DPP10: variants seen among roughly 807,000 people sequenced by gnomAD.
DPP10 encodes dipeptidyl peptidase like 10, also known as inactive dipeptidyl peptidase 10.
A neutral mutation model predicts 120.9 loss-of-function variants in DPP10; 33 were observed. That is an observed-to-expected ratio of 0.27 (90% CI 0.21 to 0.37). The LOEUF (loss-of-function observed/expected upper bound fraction) is 0.37. Ranked by LOEUF, DPP10 falls within the 10% of genes least tolerant of loss-of-function variation. The probability of loss-of-function intolerance (pLI) is 1.00; values close to 1 mark genes in which losing one functional copy is unlikely to be tolerated. For missense variants in DPP10, 816 were observed against 942.8 expected (o/e 0.87, Z 1.76); for synonymous variants, 337 against 326.1 (o/e 1.03, Z -0.36).
In DPP10 at chr2:115,207,613, A is replaced by T. The variant is rs572392488; in HGVS notation, c.61-101626A>T. Among the ~76,000 whole-genome samples, 12 of 152,238 alleles carry T rather than the reference A, an allele frequency of 7.9e-5. No individual in the cohort carries two copies. In the South Asian group the frequency reaches 2.5e-3, roughly 32 times the overall value. ...TTATTCTAAGGAACACCACTTTTCA[A>T]ACGCAAGAGAGCATGTCCCTGTGAT... On this transcript the variant is annotated intron_variant, in intron 1 of 25. Coordinates refer to ENST00000410059, the MANE Select transcript of DPP10 (RefSeq NM_020868.6).
At chr2:115,436,385 G>A (rs377103662) in intron 3 of DPP10, among the ~76,000 whole-genome samples, 29 of 132,254 alleles carry the variant, frequency 2.2e-4, no homozygotes, top group Non-Finnish European at 4.1e-4. Context: ...CTAGAGACAA[G>A]CACATTGCAA....
At chr2:115,432,223 A>C (rs2071060340) in intron 3 of DPP10, among the ~76,000 whole-genome samples, 2 of 152,160 alleles carry the variant, frequency 1.3e-5, no homozygotes. Flanking sequence ...TAATAGTGTT[A>C]GCAGGAATGC....
chr2:115,668,468 G>A (rs141946141), intron 5 of DPP10, among the ~76,000 whole-genome samples: 117 of 152,170 alleles, frequency 7.7e-4, no homozygotes, highest in African/African-American at 2.7e-3. Context: ...TCATGTTCTT[G>A]AATTTCCCAG....
intron 1 of DPP10, among the ~76,000 whole-genome samples, chr2:115,181,946 T>A (rs1048560813): frequency 2.6e-5 from 4 of 152,206 alleles, no homozygotes; most frequent in African/African-American, 9.6e-5. Context: ...TTTCAACACA[T>A]ACCGTTAGCC....
intron 1 of DPP10, among the ~76,000 whole-genome samples, chr2:114,504,678 G>T (rs1012242293): frequency 4.6e-5 from 7 of 152,168 alleles, no homozygotes; most frequent in Non-Finnish European, 8.8e-5. Flanking sequence ...TCATGTATAT[G>T]TTGTTAAATG....
intron 3 of DPP10, among the ~76,000 whole-genome samples, chr2:115,402,893 A>ATATATATGTATATATATGTGTG (rs2068198482): frequency 1.9e-5 from 1 of 52,892 alleles, no homozygotes; most frequent in Non-Finnish European, 6.6e-5. Flanking sequence ...GTGTGTGTGT[A>ATATATATGTATATATATGTGTG]TATATATATG....
At position 115,785,365 on chromosome 2, in the gene DPP10, G is replaced by A. The variant is rs74549555; in HGVS notation, c.1531+2966G>A. On this transcript the variant is annotated intron_variant, in intron 17 of 25. Coordinates refer to ENST00000410059, the MANE Select transcript of DPP10 (RefSeq NM_020868.6). ...CTGACCTCATAGAATGAGTTGGGTA[G>A]GAATCCCTTCCCCTTGATTTTTTGG... Among the ~76,000 whole-genome samples the A allele has an allele frequency of 3.9e-3, 600 of 152,266 alleles. 5 individuals carry two copies. Among genetic ancestry groups the A allele is most frequent in the African/African-American group, 0.013 (558 of 41,554 alleles).
intron 1 of DPP10, among the ~76,000 whole-genome samples, chr2:114,858,210 G>A (rs1309359270): frequency 1.3e-5 from 2 of 152,040 alleles, no homozygotes; most frequent in African/African-American, 4.8e-5. Flanking sequence ...GGCTGGTCTC[G>A]AACCCCTTAG....
intron 1 of DPP10, chr2:114,461,499 C>A: frequency 2.4e-6 from 2 of 841,626 alleles, no homozygotes; most frequent in Non-Finnish European, 2.9e-6. Flanking sequence ...TCTCCCTCAA[C>A]CAATTAGCCT....
chr2:114,892,364 G>A (rs758444749), intron 1 of DPP10, among the ~76,000 whole-genome samples: 16 of 152,140 alleles, frequency 1.1e-4, no homozygotes, highest in Non-Finnish European at 2.1e-4. Flanking sequence ...GATTTCATAT[G>A]CCAATTTCCT....
At chr2:114,988,345 AT>A (rs1700553289) in intron 1 of DPP10, among the ~76,000 whole-genome samples, 1 of 152,246 alleles carries the variant, frequency 6.6e-6, no homozygotes. Flanking sequence ...CATTTTGTAA[AT>A]AATATGATCT....
rs565047061 is a variant in DPP10 at position 114,662,075 on chromosome 2, C to T, written c.60+219237C>T. On this transcript the variant is annotated intron_variant, in intron 1 of 25. Transcript: ENST00000410059. ...GGCCTCAGGTCGGCCGGCTGCCCCT[C>T]CCTCTGCTCTGTTCCTAGCAGGGCT... 1.2e-4 allele frequency among the ~76,000 whole-genome samples: 18 copies of T among 151,996 alleles called. No homozygotes were observed. In the East Asian group the frequency reaches 2.9e-3, roughly 25 times the overall value.
At chr2:115,674,270 A>ATAAC (rs397726966) in intron 5 of DPP10, among the ~76,000 whole-genome samples, 16 of 151,974 alleles carry the variant, frequency 1.1e-4, no homozygotes, top group Admixed American at 9.8e-4. Context: ...AAATAAATAA[A>ATAAC]GGAGGAAAGG....
rs555269545 is a variant in DPP10, at chr2:115,011,797, G to T, written c.61-297442G>T. 2.3e-4 allele frequency among the ~76,000 whole-genome samples: 35 copies of T among 152,196 alleles called. No individual in the cohort carries two copies. In the South Asian group the frequency reaches 4.8e-3, roughly 21 times the overall value. On this transcript the variant is annotated intron_variant, in intron 1 of 25. Coordinates refer to ENST00000410059, the MANE Select transcript of DPP10 (RefSeq NM_020868.6). ...AAGAGAATCCACACACCCTTTGAAA[G>T]AATTGGATCATTGCTGCAGGCTCCC...
At chr2:115,088,348 A>T (rs1446496384) in intron 1 of DPP10, among the ~76,000 whole-genome samples, 1 of 152,230 alleles carries the variant, frequency 6.6e-6, no homozygotes, top group Non-Finnish European at 1.5e-5. Flanking sequence ...TCTGGATTTC[A>T]TAAGGGTTAC....
At chr2:114,984,226 T>G (rs1700262840) in intron 1 of DPP10, among the ~76,000 whole-genome samples, 2 of 152,170 alleles carry the variant, frequency 1.3e-5, no homozygotes, top group African/African-American at 2.4e-5. Flanking sequence ...TCTAATATTT[T>G]GCCAGATAAT....
rs1005694814 is a variant in DPP10 at position 115,793,595 on chromosome 2, A to G, written c.1700+2239A>G. On this transcript the variant is annotated intron_variant, in intron 19 of 25. Transcript: ENST00000410059. ...ATATTTAATGTGTAATTTAATGCCC[A>G]TAAAGTTATTCAATAGACAGACACT... Among the ~76,000 whole-genome samples the G allele has an allele frequency of 2.0e-5, 3 of 152,164 alleles. No homozygotes were observed. In the East Asian group the frequency reaches 5.8e-4, roughly 29 times the overall value.
At chr2:115,780,804 T>C (rs1317408305) in intron 15 of DPP10, 70 bp from the exon 16 acceptor site, 6 of 1,413,904 alleles carry the variant, frequency 4.2e-6, no homozygotes, top group Non-Finnish European at 5.7e-6. Context: ...TATATTTAAA[T>C]ATGAACACCA....
chr2:114,927,345 A>G (rs998965385), intron 1 of DPP10, among the ~76,000 whole-genome samples: 15 of 151,594 alleles, frequency 9.9e-5, no homozygotes, highest in Admixed American at 8.5e-4. Flanking sequence ...GGTTGAGGAC[A>G]TGTCCATGAC....
Sources: allele counts gnomAD v4.1 joint callset (sites outside exome capture counted in the v4.1 genomes callset), GRCh38; gene constraint gnomAD v4.1.1; transcripts MANE v1.5; gene names NCBI Gene and HGNC (gene_info 2026-07-23, HGNC 2026-07-21).